MTPAP: variants seen among roughly 807,000 people sequenced by gnomAD.
The protein encoded by MTPAP is mitochondrial poly(A) polymerase, also known as poly(A) RNA polymerase, mitochondrial.
A neutral mutation model predicts 48.7 loss-of-function variants in MTPAP; 23 were observed. That is an observed-to-expected ratio of 0.47 (90% CI 0.34 to 0.67). MTPAP has a LOEUF of 0.67. Ranked by LOEUF, MTPAP falls within the 30% of genes least tolerant of loss-of-function variation. The pLI is 0.01. For missense variants in MTPAP, 614 were observed against 694.3 expected (o/e 0.88, Z 1.30); for synonymous variants, 257 against 254.1 (o/e 1.01, Z -0.11).
Position 30,324,251 on chromosome 10 carries a change from C to T in MTPAP, c.993-1634G>A, listed in dbSNP as rs189423909. ...GGCATTTATTGGCTGGGCACTGTGG[C>T]TCACGCCTGTAGTCCCAGCATTTCA... is the stretch of plus-strand genomic sequence containing the variant. On this transcript the variant is annotated intron_variant, in intron 5 of 8. Coordinates refer to ENST00000263063, the MANE Select transcript of MTPAP (RefSeq NM_018109.4). Among the ~76,000 whole-genome samples, 214 of 152,258 alleles carry T rather than the reference C, an allele frequency of 1.4e-3. 2 individuals are homozygous for T. The highest frequency in any genetic ancestry group is 0.012 in the Admixed American group (187 of 15,296).
intron 4 of MTPAP, among the ~76,000 whole-genome samples, chr10:30,327,899 A>C (rs1397865954): frequency 6.6e-6 from 1 of 152,152 alleles, no homozygotes; most frequent in Admixed American, 6.6e-5. Flanking sequence ...ACTAAAATGT[A>C]AAAGGTGCAT....
intron 3 of MTPAP, chr10:30,339,938 T>G: frequency 2.3e-6 from 1 of 438,972 alleles, no homozygotes; most frequent in Non-Finnish European, 4.2e-6. Context: ...CCATATACAA[T>G]CTCAAGACCA....
At position 30,341,318 on chromosome 10, in the gene MTPAP, C is replaced by T. The variant is rs1288554428; in HGVS notation, c.330+150G>A. 1.1e-4 allele frequency: 106 copies of T among 1,007,706 alleles called. No homozygotes were observed. In the East Asian group the frequency reaches 2.9e-3, roughly 27 times the overall value. 62.4% of individuals were successfully genotyped at this position (1,007,706 alleles called of 1,614,324 possible). On this transcript the variant is annotated intron_variant, in intron 2 of 8. Coordinates refer to ENST00000263063, the MANE Select transcript of MTPAP (RefSeq NM_018109.4). ...TAAGAATCCCATATCAAAAACAAAA[C>T]TCATTAAAGAAATCTAGATAAAGAA...
intron 4 of MTPAP, 30 bp from the exon 5 acceptor site, chr10:30,326,665 G>A (rs1462512839): frequency 1.3e-6 from 2 of 1,567,896 alleles, no homozygotes; most frequent in Admixed American, 1.7e-5. Context: ...CTAAATAGGA[G>A]CTTTTGGTAA....
rs182947277 is a variant in MTPAP, at chr10:30,326,771, A to T, written c.781-136T>A. 122 of 703,334 alleles carry T rather than the reference A, an allele frequency of 1.7e-4. No homozygotes were observed. In the African/African-American group the frequency reaches 2.0e-3, roughly 12 times the overall value. The allele number at this position is 703,334 out of a possible 1,614,324, so 43.6% of individuals were successfully genotyped here. A position where few individuals can be genotyped will look rare whatever the true frequency, so the allele number is the denominator to read the frequency against. Reference sequence around the variant, plus strand: ...AGAAAAAAACAACCCACAAAATAAAAACTCTTCAAGAAATCACAGCCAAAA... The same window carrying T: ...AGAAAAAAACAACCCACAAAATAAATACTCTTCAAGAAATCACAGCCAAAA... On this transcript the variant is annotated intron_variant, in intron 4 of 8. Transcript: ENST00000263063.
intron 5 of MTPAP, among the ~76,000 whole-genome samples, chr10:30,324,710 T>C (rs1010612230): frequency 6.6e-6 from 1 of 151,818 alleles, no homozygotes; most frequent in African/African-American, 2.4e-5. Context: ...TTAAAAAGAA[T>C]AGAAGAAACA....
chr10:30,318,471 T>G (rs790765), intron 6 of MTPAP, among the ~76,000 whole-genome samples: 1 of 152,078 alleles, frequency 6.6e-6, no homozygotes, highest in Non-Finnish European at 1.5e-5. Context: ...TTTTTTGTGA[T>G]GCAGTGTCAG....
chr10:30,345,235 C>G (rs896532911), intron 1 of MTPAP, among the ~76,000 whole-genome samples: 1 of 152,162 alleles, frequency 6.6e-6, no homozygotes, highest in Non-Finnish European at 1.5e-5. Context: ...GGGACATTTT[C>G]CCGTATCAGA....
chr10:30,340,403 T>C lies in MTPAP; in HGVS notation c.378A>G (p.Ser126=). 1 of 1,614,184 alleles carries C rather than the reference T, an allele frequency of 6.2e-7. No homozygotes were observed. ...TTGGAGTATGAGTCCCATTCTGCAG[T>C]GAACCTATGCTTTCCTTTTGGCAAA... The part of the protein sequence containing the change: ...VEFCQKESIG[S]LQNGTHTPST... Residue 126 remains serine (S), a synonymous_variant, in exon 3 of 9, where the codon TCA becomes TCG. Transcript: ENST00000263063.
chr10:30,322,347 T>A (rs1210063271), intron 6 of MTPAP, 44 bp downstream of exon 6: 10 of 1,416,790 alleles, frequency 7.1e-6, no homozygotes, highest in Non-Finnish European at 9.0e-6. Context: ...TATTTACTCA[T>A]AACATTGGAA....
chr10:30,313,949 T>A lies in MTPAP; in HGVS notation c.1409A>T (p.Asp470Val). ...IRQGREQNKP[D>V]SSPLYIQNPF... ...ATTCTGAATGTACAGAGGAGAAGAA[T>A]CAGGTTTGTTTTGCTCCCTTCCCTA... is the stretch of plus-strand genomic sequence containing the variant. Residue 470 changes from aspartate to valine, a missense_variant, in exon 9 of 9, where the codon GAT (aspartate) becomes GTT (valine). By Grantham distance (152) the Asp-to-Val change is radical (BLOSUM62 -3). This residue lies in a region of MTPAP where 261 missense variants were observed against 355.4 expected (regional missense o/e 0.73). Coordinates refer to ENST00000263063, the MANE Select transcript of MTPAP (RefSeq NM_018109.4). 6.2e-7 allele frequency: 1 copy of A among 1,613,900 alleles called. No individual in the cohort carries two copies. Among genetic ancestry groups the A allele is most frequent in the African/African-American group, 1.3e-5 (1 of 75,046 alleles).
At chr10:30,322,911 C>T (rs901643445) in intron 5 of MTPAP, among the ~76,000 whole-genome samples, 4 of 151,648 alleles carry the variant, frequency 2.6e-5, no homozygotes, top group Admixed American at 1.3e-4. Flanking sequence ...CCGAGGTGGG[C>T]GGATCACTTG....
Position 30,312,762 on chromosome 10 carries a change from T to G in MTPAP, c.*847A>C, listed in dbSNP as rs1237183785. 6.6e-6 allele frequency: 1 copy of G among 152,002 alleles called. No homozygotes were observed. Among genetic ancestry groups the G allele is most frequent in the Non-Finnish European group, 1.5e-5 (1 of 67,996 alleles). The allele number at this position is 152,002 out of a possible 1,614,324, so 9.4% of individuals were successfully genotyped here. A position where few individuals can be genotyped will look rare whatever the true frequency, so the allele number is the denominator to read the frequency against. On this transcript the variant is annotated 3_prime_UTR_variant, in exon 9 of 9. Coordinates refer to ENST00000263063, the MANE Select transcript of MTPAP (RefSeq NM_018109.4). ...CTGCATATACTGAGAGACAAATATG[T>G]CTCTTTCCTGCAGGAAGAGGGGAGT...
intron 5 of MTPAP, among the ~76,000 whole-genome samples, chr10:30,323,128 CAAAAAA>C (rs201987154): frequency 1.8e-3 from 152 of 86,520 alleles, no homozygotes; most frequent in African/African-American, 5.8e-3. Flanking sequence ...GACTCCGTTT[CAAAAAA>C]AAAAAAAAAA....
intron 4 of MTPAP, among the ~76,000 whole-genome samples, chr10:30,329,192 G>C (rs971077573): frequency 1.3e-4 from 20 of 151,796 alleles, no homozygotes; most frequent in Admixed American, 3.9e-4. Context: ...AGGTTGCAGT[G>C]AGCCGAGATT....
chr10:30,314,891 A>C lies in MTPAP; in HGVS notation c.1387-920T>G, dbSNP rs201431988. Among the ~76,000 whole-genome samples the C allele has an allele frequency of 5.5e-3, 797 of 145,378 alleles. 3 individuals carry two copies. Among genetic ancestry groups the C allele is most frequent in the East Asian group, 0.048 (243 of 5,108 alleles). ...TGTCTCAAAAAACAAAAACAAAAAAAAAAAAAAAAAAAAAGAAGAGAAAAG... is the reference window on the plus strand; with the variant it reads ...TGTCTCAAAAAACAAAAACAAAAAACAAAAAAAAAAAAAAGAAGAGAAAAG... On this transcript the variant is annotated intron_variant, in intron 8 of 8. Coordinates refer to ENST00000263063, the MANE Select transcript of MTPAP (RefSeq NM_018109.4).
intron 6 of MTPAP, among the ~76,000 whole-genome samples, chr10:30,318,677 A>G (rs1388838688): frequency 6.6e-6 from 1 of 152,234 alleles, no homozygotes; most frequent in Admixed American, 6.5e-5. Context: ...TTCAAGAGGA[A>G]CCAAATATGA....
At chr10:30,340,640 C>T (rs1409232637) in intron 2 of MTPAP, among the ~76,000 whole-genome samples, 190 bp from the exon 3 acceptor site, 2 of 152,042 alleles carry the variant, frequency 1.3e-5, no homozygotes, top group African/African-American at 2.4e-5. Flanking sequence ...AACACTGGGC[C>T]GGGCGCAGTG....
At chr10:30,332,661 T>A (rs1834683187) in intron 4 of MTPAP, among the ~76,000 whole-genome samples, 1 of 152,078 alleles carries the variant, frequency 6.6e-6, no homozygotes, top group Non-Finnish European at 1.5e-5. Flanking sequence ...AATACCTCTA[T>A]ACCTCAGAAA....
Sources: gnomAD v4.1 joint callset for allele counts (sites outside exome capture counted in the v4.1 genomes callset) on GRCh38, gnomAD v4.1.1 for gene constraint, gnomAD v4.1.1 regional missense constraint, MANE v1.5 for transcripts, NCBI Gene and HGNC (gene_info 2026-07-23, HGNC 2026-07-21) for gene names.